The following GALM variants were observed in gnomAD, a reference collection of about 807,000 sequenced individuals.
GALM encodes the protein aldose 1-epimerase.
GALM carries 43 observed loss-of-function variants against 37.4 expected under a neutral mutation model. The ratio of observed to expected loss-of-function variants is 1.15; its 90% CI spans 0.90 to 1.48. The LOEUF (loss-of-function observed/expected upper bound fraction) is 1.48. GALM is among the 40% of genes most tolerant of loss of function. The pLI is 0.00. For synonymous variants in GALM, 199 were observed against 170.6 expected, an observed-to-expected ratio of 1.17 and a Z score of -1.30; for missense variants, 456 against 419.1, an observed-to-expected ratio of 1.09 and a Z score of -0.77.
intron 3 of GALM, among the ~76,000 whole-genome samples, chr2:38,683,343 T>C (rs1350200490): frequency 6.6e-6 from 1 of 152,194 alleles, no homozygotes; most frequent in Non-Finnish European, 1.5e-5. Context: ...ATGAACTTCC[T>C]TCCGTATACC....
chr2:38,707,116 T>TG (rs1666049185), intron 4 of GALM, among the ~76,000 whole-genome samples: 1 of 127,388 alleles, frequency 7.9e-6, no homozygotes, highest in Admixed American at 8.0e-5. Context: ...GGAGCTGGCA[T>TG]GGGGGGCTGG....
Position 38,702,304 on chromosome 2 carries a change from A to C in GALM, c.634+12410A>C, listed in dbSNP as rs751441162. On this transcript the variant is annotated intron_variant, in intron 4 of 6. Transcript: ENST00000272252. Reference sequence around the variant, plus strand: ...TTAGACGGCTCTCAGGCCTCCCCAAAACCATCTCTCATTTCACTGATCAAA... The same window carrying C: ...TTAGACGGCTCTCAGGCCTCCCCAACACCATCTCTCATTTCACTGATCAAA... 7.8e-4 allele frequency among the ~76,000 whole-genome samples: 119 copies of C among 152,218 alleles called. 1 individual carries two copies. Among genetic ancestry groups the C allele is most frequent in the Non-Finnish European group, 3.8e-4 (26 of 68,002 alleles).
chr2:38,727,516 C>G (rs1352780367), intron 4 of GALM, among the ~76,000 whole-genome samples: 1 of 151,946 alleles, frequency 6.6e-6, no homozygotes, highest in African/African-American at 2.4e-5. Context: ...TTCACGAGGT[C>G]AGGAGTTCGA....
chr2:38,681,531 T>C, intron 3 of GALM, 45 bp downstream of exon 3: 2 of 1,474,630 alleles, frequency 1.4e-6, no homozygotes, highest in Non-Finnish European at 1.9e-6. Flanking sequence ...CTTTGTGGAA[T>C]GTCCTGGGCT....
chr2:38,718,089 G>A (rs779440609), intron 4 of GALM, among the ~76,000 whole-genome samples: 3 of 151,370 alleles, frequency 2.0e-5, no homozygotes, highest in Admixed American at 6.6e-5. Context: ...CTCCCATCTC[G>A]GCCTCCCAGA....
rs1558588593 is a variant in GALM, at chr2:38,703,053, T to TA, written c.634+13159_634+13160insA. Among the ~76,000 whole-genome samples the TA allele has an allele frequency of 3.7e-3, 105 of 28,248 alleles. 1 individual carries two copies. Among genetic ancestry groups the TA allele is most frequent in the African/African-American group, 0.011 (99 of 8,976 alleles). The allele number at this position is 28,248 out of a possible 152,430, so 18.5% of individuals were successfully genotyped here. A position where few individuals can be genotyped will look rare whatever the true frequency, so the allele number is the denominator to read the frequency against. ...GCTGAGGTGGGATGATATGTGGGATTTTATATATATATATATATATATATA... is the reference window on the plus strand; with the variant it reads ...GCTGAGGTGGGATGATATGTGGGATTATTATATATATATATATATATATATA... On this transcript the variant is annotated intron_variant, in intron 4 of 6. Transcript: ENST00000272252.
At chr2:38,677,419 C>A (rs572579733) in intron 2 of GALM, among the ~76,000 whole-genome samples, 1 of 152,320 alleles carries the variant, frequency 6.6e-6, no homozygotes, top group Non-Finnish European at 1.5e-5. Flanking sequence ...AGACTGACTG[C>A]CCCATGGGTT....
Position 38,733,554 on chromosome 2 carries a change from T to A in GALM, c.1018T>A (p.Ser340Thr), listed in dbSNP as rs767014406. The A allele has an allele frequency of 5.0e-6, 8 of 1,613,574 alleles. No individual in the cohort carries two copies. The highest frequency in any genetic ancestry group is 1.6e-4 in the Middle Eastern group (1 of 6,062). ...TGACCACACCACCTGGTTCAAGTTT[T>A]CTGTGGCTTAAGGAAGTGTGAAGAT... ...EYDHTTWFKF[S>T]VA is the part of the protein sequence containing the mutation. The change falls in exon 7 of 7, where the codon TCT becomes ACT. Residue 340 changes from serine to threonine, a missense_variant. Coordinates refer to ENST00000272252, the MANE Select transcript of GALM (RefSeq NM_138801.3).
At chr2:38,732,552 T>C (rs1666628992) in intron 6 of GALM, among the ~76,000 whole-genome samples, 1 of 152,214 alleles carries the variant, frequency 6.6e-6, no homozygotes, top group Non-Finnish European at 1.5e-5. Context: ...TCTCCTCCTA[T>C]GTGCTCCCTC....
intron 3 of GALM, among the ~76,000 whole-genome samples, chr2:38,683,075 A>C (rs973222960): frequency 1.3e-5 from 2 of 152,138 alleles, no homozygotes; most frequent in African/African-American, 2.4e-5. Flanking sequence ...CATTTTTTGC[A>C]TACTTAGGAC....
chr2:38,715,629 G>C (rs1020832655), intron 4 of GALM, among the ~76,000 whole-genome samples: 1 of 152,092 alleles, frequency 6.6e-6, no homozygotes, highest in Non-Finnish European at 1.5e-5. Context: ...GTAGAGACAG[G>C]GTTTTGTTGT....
At chr2:38,675,119 T>C (rs1665210103) in intron 1 of GALM, among the ~76,000 whole-genome samples, 1 of 152,016 alleles carries the variant, frequency 6.6e-6, no homozygotes, top group African/African-American at 2.4e-5. Flanking sequence ...AGTTTGCAGT[T>C]AGCCGAGATG....
chr2:38,690,374 T>G (rs564772271), intron 4 of GALM, among the ~76,000 whole-genome samples: 1 of 152,002 alleles, frequency 6.6e-6, no homozygotes, highest in Non-Finnish European at 1.5e-5. Flanking sequence ...AAATTTTAAA[T>G]AACTTTACTG....
At chr2:38,700,126 A>G (rs1189303533) in intron 4 of GALM, among the ~76,000 whole-genome samples, 1 of 152,000 alleles carries the variant, frequency 6.6e-6, no homozygotes, top group Non-Finnish European at 1.5e-5. Flanking sequence ...TAATTTTTGT[A>G]TTTTTAGTAG....
chr2:38,675,291 G>A (rs1009428072), intron 1 of GALM, among the ~76,000 whole-genome samples: 101 of 152,050 alleles, frequency 6.6e-4, no homozygotes, highest in Admixed American at 6.6e-3. Context: ...GCTCTCTCGA[G>A]TGATGAGATG....
chr2:38,666,411 G>A (rs1664936504), intron 1 of GALM, 60 bp downstream of exon 1: 2 of 1,292,306 alleles, frequency 1.5e-6, no homozygotes, highest in Admixed American at 2.3e-5. Flanking sequence ...CATACCTCCC[G>A]GATCTAGCGG....
intron 4 of GALM, among the ~76,000 whole-genome samples, chr2:38,709,283 G>A (rs1666104305): frequency 6.6e-6 from 1 of 152,132 alleles, no homozygotes; most frequent in South Asian, 2.1e-4. Context: ...AGGACTAGGA[G>A]GCTGCAGACA....
At chr2:38,721,315 A>G (rs1242272200) in intron 4 of GALM, among the ~76,000 whole-genome samples, 2 of 152,288 alleles carry the variant, frequency 1.3e-5, no homozygotes, top group South Asian at 2.1e-4. Context: ...ATAAAGTCCT[A>G]TTTCCAGTGA....
intron 4 of GALM, among the ~76,000 whole-genome samples, chr2:38,691,575 T>C (rs927952975): frequency 6.6e-6 from 1 of 151,198 alleles, no homozygotes; most frequent in Non-Finnish European, 1.5e-5. Flanking sequence ...TCCCAGCTAC[T>C]CAAGAGGCTG....
Sources: gnomAD v4.1 joint callset for allele counts (sites outside exome capture counted in the v4.1 genomes callset) on GRCh38, gnomAD v4.1.1 for gene constraint, MANE v1.5 for transcripts, NCBI Gene and HGNC (gene_info 2026-07-23, HGNC 2026-07-21) for gene names.